OLR1: variants seen among roughly 807,000 people sequenced by gnomAD.
The protein encoded by OLR1 is oxidized low density lipoprotein receptor 1.
OLR1 carries 23 observed loss-of-function variants against 31.7 expected under a neutral mutation model. The observed-to-expected ratio is 0.72, with a 90% CI of 0.52 to 1.03. OLR1 has a LOEUF of 1.03. OLR1 is among the 50% of genes least tolerant of loss of function. The pLI, the probability that OLR1 is intolerant of heterozygous loss-of-function variation, is 0.00. For missense variants in OLR1, 286 were observed against 315.7 expected (o/e 0.91, Z 0.71); for synonymous variants, 117 against 115.8 (o/e 1.01, Z -0.07).
intron 1 of OLR1, among the ~76,000 whole-genome samples, chr12:10,169,592 C>T (rs367728466): frequency 5.9e-5 from 9 of 152,310 alleles, no homozygotes; most frequent in African/African-American, 2.2e-4. Flanking sequence ...ATATACACCA[C>T]GTGTACACAT....
chr12:10,171,899 C>T, intron 1 of OLR1, 103 bp downstream of exon 1: 6 of 754,564 alleles, frequency 8.0e-6, no homozygotes, highest in South Asian at 1.7e-5. Flanking sequence ...TCTATTTTCC[C>T]ATACTTGGGT....
chr12:10,171,226 A>G (rs1218672062), intron 1 of OLR1, among the ~76,000 whole-genome samples: 2 of 152,190 alleles, frequency 1.3e-5, no homozygotes, highest in African/African-American at 4.8e-5. Flanking sequence ...TTGGAAATGT[A>G]ATTTGGAATT....
intron 3 of OLR1, among the ~76,000 whole-genome samples, chr12:10,162,236 A>G (rs1297742070): frequency 6.6e-6 from 1 of 152,158 alleles, no homozygotes; most frequent in Non-Finnish European, 1.5e-5. Context: ...TCTGGTCTAC[A>G]CTACAACCAA....
chr12:10,167,532 A>C (rs1476456668), intron 2 of OLR1: 1 of 152,570 alleles, frequency 6.6e-6, no homozygotes. Context: ...TAACCAGTAC[A>C]GCATTAGAAT....
upstream of OLR1, among the ~76,000 whole-genome samples, chr12:10,176,154 G>C (rs1242984148): frequency 6.6e-6 from 1 of 152,270 alleles, no homozygotes; most frequent in South Asian, 2.1e-4. Flanking sequence ...AGTGTACTTC[G>C]TTCAGTCTTC....
At chr12:10,169,929 A>C (rs1277317257) in intron 1 of OLR1, among the ~76,000 whole-genome samples, 3 of 152,048 alleles carry the variant, frequency 2.0e-5, no homozygotes, top group African/African-American at 7.3e-5. Context: ...CCACTAAAAA[A>C]AAAAAAATCA....
At chr12:10,169,601 A>T (rs1269393939) in intron 1 of OLR1, among the ~76,000 whole-genome samples, 2 of 152,238 alleles carry the variant, frequency 1.3e-5, no homozygotes, top group Non-Finnish European at 2.9e-5. Context: ...ACGTGTACAC[A>T]TGTGCACACA....
At chr12:10,174,129 C>T (rs1458233358), upstream of OLR1, among the ~76,000 whole-genome samples, 7 of 152,134 alleles carry the variant, frequency 4.6e-5, no homozygotes, top group Admixed American at 2.6e-4. Context: ...GGCATGATCT[C>T]GGCTCACTGC....
chr12:10,163,304 G>T (rs562963857), intron 3 of OLR1, among the ~76,000 whole-genome samples: 1 of 151,674 alleles, frequency 6.6e-6, no homozygotes, highest in Admixed American at 6.6e-5. Flanking sequence ...AGTGTTTCTC[G>T]GTGCTGCTCT....
Position 10,159,745 on chromosome 12 carries a change from T to G in OLR1, c.*135A>C. 1.3e-6 allele frequency: 1 copy of G among 771,172 alleles called. No individual in the cohort carries two copies. Among genetic ancestry groups the G allele is most frequent in the South Asian group, 2.8e-5 (1 of 35,650 alleles). The allele number at this position is 771,172 out of a possible 1,614,324, so 47.8% of individuals were successfully genotyped here. On this transcript the variant is annotated 3_prime_UTR_variant, in exon 6 of 6. Transcript: ENST00000309539. Reference sequence around the variant, plus strand: ...GTGCCAGGCTCCTGGAACCCCAGTTTCTGCAAAGGAGTTCTGCAGCCAGCT... The same window carrying G: ...GTGCCAGGCTCCTGGAACCCCAGTTGCTGCAAAGGAGTTCTGCAGCCAGCT...
intron 1 of OLR1, among the ~76,000 whole-genome samples, chr12:10,171,268 CT>C (rs1243190902): frequency 6.6e-6 from 1 of 152,140 alleles, no homozygotes; most frequent in Non-Finnish European, 1.5e-5. Flanking sequence ...ATACTTGTCT[CT>C]CTTTCTCTCC....
upstream of OLR1, among the ~76,000 whole-genome samples, chr12:10,173,967 C>A (rs937856657): frequency 6.6e-6 from 1 of 152,156 alleles, no homozygotes; most frequent in African/African-American, 2.4e-5. Context: ...CACCACCATC[C>A]ATCTCCAGAA....
chr12:10,174,636 A>G (rs1490003624), upstream of OLR1, among the ~76,000 whole-genome samples: 1 of 152,168 alleles, frequency 6.6e-6, no homozygotes, highest in East Asian at 1.9e-4. Flanking sequence ...TTAAATTACC[A>G]GGCTCTATAA....
At chr12:10,175,124 T>C (rs1338776941), upstream of OLR1, among the ~76,000 whole-genome samples, 1 of 152,182 alleles carries the variant, frequency 6.6e-6, no homozygotes, top group East Asian at 1.9e-4. Flanking sequence ...TGATCTTGTG[T>C]AATCCTTCCC....
chr12:10,159,835 A>C lies in OLR1; in HGVS notation c.*45T>G. On this transcript the variant is annotated 3_prime_UTR_variant, in exon 6 of 6. Transcript: ENST00000309539. The stretch of plus-strand genomic sequence containing the variant: ...TGACAAAGAATAGCTTAAATTCCAG[A>C]ATAAAACTCAAAGACTTTTTTCTTT... The C allele has an allele frequency of 1.9e-6, 3 of 1,554,012 alleles. No homozygotes were observed. Among genetic ancestry groups the C allele is most frequent in the Non-Finnish European group, 2.6e-6 (3 of 1,148,284 alleles).
At chr12:10,168,199 G>C (rs1010779364) in intron 2 of OLR1, among the ~76,000 whole-genome samples, 5 of 152,062 alleles carry the variant, frequency 3.3e-5, no homozygotes, top group Admixed American at 3.3e-4. Context: ...TTCCTTCTTG[G>C]CCACTCTGGG....
At chr12:10,174,353 G>C (rs193145466), upstream of OLR1, among the ~76,000 whole-genome samples, 1 of 152,198 alleles carries the variant, frequency 6.6e-6, no homozygotes, top group African/African-American at 2.4e-5. Context: ...GTGAGCCACC[G>C]TGCTGGCCTT....
At chr12:10,170,480 C>T (rs1405084270) in intron 1 of OLR1, 1 of 148,000 alleles carries the variant, frequency 6.8e-6, no homozygotes, top group African/African-American at 2.5e-5. Flanking sequence ...ATCAGATACC[C>T]TCATCGTGCT....
At chr12:10,169,535 T>G (rs1027705769) in intron 1 of OLR1, among the ~76,000 whole-genome samples, 2 of 152,236 alleles carry the variant, frequency 1.3e-5, no homozygotes, top group Non-Finnish European at 2.9e-5. Flanking sequence ...ACAGTCTAGC[T>G]TGGTTGGATC....
Sources: allele counts gnomAD v4.1 joint callset (sites outside exome capture counted in the v4.1 genomes callset), GRCh38; gene constraint gnomAD v4.1.1; transcripts MANE v1.5; gene names NCBI Gene and HGNC (gene_info 2026-07-23, HGNC 2026-07-21).